Variants in GOLGA6C observed in about 807,000 individuals in gnomAD.
GOLGA6C encodes golgin A6 family member C, also known as golgin subfamily A member 6C.
In GOLGA6C, 3 loss-of-function variants were observed where a neutral mutation model predicts 57.5. That is an observed-to-expected ratio of 0.05 (90% confidence interval 0.02 to 0.13). The LOEUF is 0.13. GOLGA6C is among the 10% of genes least tolerant of loss of function. GOLGA6C has a pLI of 1.00. For missense variants in GOLGA6C, 88 were observed against 525.6 expected (o/e 0.17, Z 8.14); for synonymous variants, 32 against 203.8 (o/e 0.16, Z 7.18).
intron 2 of GOLGA6C, among the ~76,000 whole-genome samples, chr15:75,260,975 A>G (rs2070734463): frequency 2.8e-5 from 1 of 35,872 alleles, no homozygotes; most frequent in Admixed American, 3.1e-4. Flanking sequence ...TTGCTGGGTG[A>G]CCACAGAAAA....
intron 1 of GOLGA6C, 102 bp downstream of exon 1, chr15:75,258,784 G>C (rs1304475329): frequency 2.1e-5 from 14 of 682,774 alleles, no homozygotes; most frequent in Non-Finnish European, 3.7e-5. Flanking sequence ...AGGCACACCG[G>C]GCTGGGCCCC....
In GOLGA6C at chr15:75,272,708, T is replaced by C. The variant is rs2070793990; in HGVS notation, c.*2509T>C. 6.6e-6 allele frequency among the ~76,000 whole-genome samples: 1 copy of C among 151,640 alleles called. No homozygotes were observed. Among genetic ancestry groups the C allele is most frequent in the South Asian group, 2.1e-4 (1 of 4,832 alleles). ...TGAAATACCACTCTTTGTGTAGGTATTCTGTCATATATTTAAGAAAAATTA... is the reference window on the plus strand; with the variant it reads ...TGAAATACCACTCTTTGTGTAGGTACTCTGTCATATATTTAAGAAAAATTA... On this transcript the variant is annotated 3_prime_UTR_variant, in exon 18 of 18. Coordinates refer to ENST00000300576, the MANE Select transcript of GOLGA6C (RefSeq NM_001164404.2).
chr15:75,269,949 GCC>G lies in GOLGA6C; in HGVS notation c.1923_1924del (p.Gln642GlyfsTer7), dbSNP rs769869287. 1 of 1,534,344 alleles carries G rather than the reference GCC, an allele frequency of 6.5e-7. No homozygotes were observed. Among genetic ancestry groups the G allele is most frequent in the African/African-American group, 1.5e-5 (1 of 64,800 alleles). On this transcript the variant is annotated frameshift_variant, in exon 17 of 18. Coordinates refer to ENST00000300576, the MANE Select transcript of GOLGA6C (RefSeq NM_001164404.2). LOFTEE classifies it low-confidence loss of function (END_TRUNC). ...PADEPTPGAPAPQELGAAGEQ... is the reference protein window; with the variant it reads ...PADEPTPGAPXPQELGAAGEQ... ...TGATGAGCCCACTCCAGGGGCCCCA[GCC>G]CCCCAGGAACTTGGGGCTGCCGGTG... is the stretch of plus-strand genomic sequence containing the variant.
In GOLGA6C at chr15:75,264,439, G is replaced by GTGTGTGT. The variant is rs2070747629; in HGVS notation, c.564+356_564+357insTGTGTGT. On this transcript the variant is annotated intron_variant, in intron 7 of 17. Transcript: ENST00000300576. ...ACCATTTCTGTAGAGAGAGGAAAGG[G>GTGTGTGT]GTGTGTGTGTGTGTGTGTGTGTGTG... 2.0e-4 allele frequency among the ~76,000 whole-genome samples: 23 copies of GTGTGTGT among 117,276 alleles called. 1 individual carries two copies. Among genetic ancestry groups the GTGTGTGT allele is most frequent in the Non-Finnish European group, 3.1e-4 (18 of 59,002 alleles). 76.9% of individuals were successfully genotyped at this position (117,276 alleles called of 152,430 possible). A position where few individuals can be genotyped will look rare whatever the true frequency, so the allele number is the denominator to read the frequency against.
chr15:75,270,281 T>C lies in GOLGA6C; in HGVS notation c.*82T>C. On this transcript the variant is annotated 3_prime_UTR_variant, in exon 18 of 18. Transcript: ENST00000300576. ...GAACAGGGAGATAAACATCATCATC[T>C]TCTAAGAGCTGGTCAAGAAATTTAA... is the stretch of plus-strand genomic sequence containing the variant. 1 of 1,530,620 alleles carries C rather than the reference T, an allele frequency of 6.5e-7. No individual in the cohort carries two copies. Among genetic ancestry groups the C allele is most frequent in the African/African-American group, 1.5e-5 (1 of 67,422 alleles). The allele number at this position is 1,530,620 out of a possible 1,614,324, so 94.8% of individuals were successfully genotyped here. A position where few individuals can be genotyped will look rare whatever the true frequency, so the allele number is the denominator to read the frequency against.
Position 75,271,558 on chromosome 15 carries a change from CTTAGTTG to C in GOLGA6C, c.*1360_*1366del, listed in dbSNP as rs2070789330. 1.6e-5 allele frequency among the ~76,000 whole-genome samples: 1 copy of C among 63,444 alleles called. No individual in the cohort carries two copies. The allele number at this position is 63,444 out of a possible 152,430, so 41.6% of individuals were successfully genotyped here. On this transcript the variant is annotated 3_prime_UTR_variant, in exon 18 of 18. Transcript: ENST00000300576. ...TTATAAACCAATATATGTGAGAGTACTTAGTTGAAACAAAAAGGAGTTTTAGTAGACA... is the reference window on the plus strand; with the variant it reads ...TTATAAACCAATATATGTGAGAGTACAAACAAAAAGGAGTTTTAGTAGACA...
rs562469524 is a variant in GOLGA6C at position 75,272,724 on chromosome 15, A to C, written c.*2525A>C. 6.6e-6 allele frequency among the ~76,000 whole-genome samples: 1 copy of C among 151,284 alleles called. No homozygotes were observed. Among genetic ancestry groups the C allele is most frequent in the South Asian group, 2.1e-4 (1 of 4,824 alleles). ...GTGTAGGTATTCTGTCATATATTTA[A>C]GAAAAATTAAATAGCATGTAAATCA... is the stretch of plus-strand genomic sequence containing the variant. On this transcript the variant is annotated 3_prime_UTR_variant, in exon 18 of 18. Transcript: ENST00000300576.
chr15:75,273,377 CTG>C lies in GOLGA6C; in HGVS notation c.*3180_*3181del. ...AATGTATAATAGAAATACTGAAACA[CTG>C]TTGCCTAAAGTGGCATTGTTGACTG... is the stretch of plus-strand genomic sequence containing the variant. On this transcript the variant is annotated 3_prime_UTR_variant, in exon 18 of 18. Transcript: ENST00000300576. Among the ~76,000 whole-genome samples, 1 of 152,038 alleles carries C rather than the reference CTG, an allele frequency of 6.6e-6. No individual in the cohort carries two copies. Among genetic ancestry groups the C allele is most frequent in the Non-Finnish European group, 1.5e-5 (1 of 68,050 alleles).
intron 1 of GOLGA6C, among the ~76,000 whole-genome samples, chr15:75,259,146 G>A (rs1341839440): frequency 6.6e-6 from 1 of 152,082 alleles, no homozygotes; most frequent in Non-Finnish European, 1.5e-5. Flanking sequence ...CTCTGGGCTG[G>A]CACCTCCAAG....
Position 75,269,190 on chromosome 15 carries a change from A to C in GOLGA6C, c.1594-263A>C, listed in dbSNP as rs1450269284. 6.2e-5 allele frequency among the ~76,000 whole-genome samples: 9 copies of C among 146,320 alleles called. 1 individual carries two copies. The highest frequency in any genetic ancestry group is 1.1e-4 in the African/African-American group (4 of 38,008). On this transcript the variant is annotated intron_variant, in intron 14 of 17. Transcript: ENST00000300576. Reference sequence around the variant, plus strand: ...GAGCCAGTTCCCAGGAGGAGCAGGCACGGCTATGTGGGCAGCGGAAGGTGC... The same window carrying C: ...GAGCCAGTTCCCAGGAGGAGCAGGCCCGGCTATGTGGGCAGCGGAAGGTGC...
At position 75,270,107 on chromosome 15, in the gene GOLGA6C, C is replaced by T. The variant is rs753981684; in HGVS notation, c.1990C>T (p.Pro664Ser). The change falls in exon 18 of 18, where the codon CCT becomes TCT. Residue 664 changes from proline to serine, a missense_variant. Physicochemically the swap from Pro to Ser is moderately conservative, Grantham distance 74 (BLOSUM62 -1). Transcript: ENST00000300576. The stretch of plus-strand genomic sequence containing the variant: ...AGTGAGCCTGGACAACAACGTGGAG[C>T]CTGCACCAGGAGCGGCCAGGGAGGG... ...YEVSLDNNVEPAPGAAREGSP... is the reference protein window; with the variant it reads ...YEVSLDNNVESAPGAAREGSP... The T allele has an allele frequency of 2.6e-5, 41 of 1,602,440 alleles. No homozygotes were observed. The highest frequency in any genetic ancestry group is 3.1e-5 in the Non-Finnish European group (37 of 1,176,664).
In GOLGA6C at chr15:75,270,121, G is replaced by A. The variant is rs757786658; in HGVS notation, c.2004G>A (p.Ala668=). 55 of 1,598,660 alleles carry A rather than the reference G, an allele frequency of 3.4e-5. No homozygotes were observed. Among genetic ancestry groups the A allele is most frequent in the Middle Eastern group, 2.0e-4 (1 of 5,050 alleles). Residue 668 remains alanine (A), a synonymous_variant, in exon 18 of 18, where the codon GCG becomes GCA. Transcript: ENST00000300576. ...ACAACGTGGAGCCTGCACCAGGAGC[G>A]GCCAGGGAGGGTTCTCCCCATGACA... ...LDNNVEPAPG[A]AREGSPHDNP... is the part of the protein sequence containing the mutation.
At chr15:75,259,179 C>T (rs548743551) in intron 1 of GOLGA6C, among the ~76,000 whole-genome samples, 2 of 151,892 alleles carry the variant, frequency 1.3e-5, no homozygotes, top group Non-Finnish European at 2.9e-5. Context: ...AGCCCCACGT[C>T]CCCCCTCCCC....
intron 1 of GOLGA6C, 58 bp downstream of exon 1, chr15:75,258,740 G>A: frequency 3.5e-6 from 2 of 564,374 alleles, no homozygotes; most frequent in Non-Finnish European, 6.6e-6. Flanking sequence ...CCCCTCTGAT[G>A]ACAAGACCAC....
rs1248568739 is a variant in GOLGA6C at position 75,273,155 on chromosome 15, ATAAC to A, written c.*2959_*2962del. ...TCTTAAAGAGTCATTTTAAAAGAAT[ATAAC>A]TATTCAAAAATGTAACTGCTATCTT... On this transcript the variant is annotated 3_prime_UTR_variant, in exon 18 of 18. Coordinates refer to ENST00000300576, the MANE Select transcript of GOLGA6C (RefSeq NM_001164404.2). Among the ~76,000 whole-genome samples the A allele has an allele frequency of 6.6e-6, 1 of 152,158 alleles. No individual in the cohort carries two copies. Among genetic ancestry groups the A allele is most frequent in the African/African-American group, 2.4e-5 (1 of 41,378 alleles).
chr15:75,260,828 C>T (rs1190560698), intron 2 of GOLGA6C, among the ~76,000 whole-genome samples: 5 of 113,074 alleles, frequency 4.4e-5, no homozygotes, highest in Non-Finnish European at 8.9e-5. Context: ...GATCCCCACT[C>T]GCAAGGGGAA....
At chr15:75,265,752 C>T in intron 10 of GOLGA6C, 48 bp downstream of exon 10, 1 of 516,696 alleles carries the variant, frequency 1.9e-6, no homozygotes. Context: ...CATCAGAGGT[C>T]TGTGGGGGTG....
At chr15:75,260,538 G>A in intron 2 of GOLGA6C, 46 bp downstream of exon 2, 3 of 1,113,182 alleles carry the variant, frequency 2.7e-6, no homozygotes, top group Non-Finnish European at 3.9e-6. Context: ...GGCCCAAGGG[G>A]CAGTAGAGGG....
rs1170355467 is a variant in GOLGA6C at position 75,273,225 on chromosome 15, C to G, written c.*3026C>G. Reference sequence around the variant, plus strand: ...GTTAAAACACTTTAAAATATGAATACTGTAGTTTGAAAGAAAGAAACTGGG... The same window carrying G: ...GTTAAAACACTTTAAAATATGAATAGTGTAGTTTGAAAGAAAGAAACTGGG... On this transcript the variant is annotated 3_prime_UTR_variant, in exon 18 of 18. Coordinates refer to ENST00000300576, the MANE Select transcript of GOLGA6C (RefSeq NM_001164404.2). 6.6e-6 allele frequency among the ~76,000 whole-genome samples: 1 copy of G among 152,124 alleles called. No individual in the cohort carries two copies. The highest frequency in any genetic ancestry group is 1.9e-4 in the East Asian group (1 of 5,208).
Sources: gnomAD v4.1 joint callset for allele counts (sites outside exome capture counted in the v4.1 genomes callset) on GRCh38, gnomAD v4.1.1 for gene constraint, MANE v1.5 for transcripts, NCBI Gene and HGNC (gene_info 2026-07-23, HGNC 2026-07-21) for gene names.